Variants in OCLN observed in about 807,000 individuals in gnomAD.
OCLN encodes phosphatase 1, regulatory subunit 115.
A neutral mutation model predicts 47.9 loss-of-function variants in OCLN; 21 were observed. The ratio of observed to expected loss-of-function variants is 0.44; its 90% CI spans 0.31 to 0.63. OCLN has a LOEUF of 0.63. OCLN is among the 30% of genes least tolerant of loss of function. OCLN has a pLI of 0.08. For missense variants in OCLN, 360 were observed against 571.0 expected (o/e 0.63, Z 3.77); for synonymous variants, 117 against 198.4 (o/e 0.59, Z 3.45).
chr5:69,504,356 A>G, intron 2 of OCLN, 62 bp downstream of exon 2: 1 of 995,308 alleles, frequency 1.0e-6, no homozygotes. Flanking sequence ...AACAATAAGT[A>G]TGGTTGAAAC....
intron 1 of OCLN, among the ~76,000 whole-genome samples, chr5:69,497,108 T>C (rs1457536641): frequency 6.6e-6 from 1 of 152,226 alleles, no homozygotes; most frequent in African/African-American, 2.4e-5. Flanking sequence ...CAAAAAAATA[T>C]CAAATAACTT....
chr5:69,496,841 G>A (rs1768306694), intron 1 of OCLN, among the ~76,000 whole-genome samples: 1 of 152,052 alleles, frequency 6.6e-6, no homozygotes, highest in South Asian at 2.1e-4. Flanking sequence ...ATTTGACAAG[G>A]ATCTATCTGC....
intron 4 of OCLN, among the ~76,000 whole-genome samples, chr5:69,526,817 G>C (rs1185046818): frequency 6.6e-6 from 1 of 152,190 alleles, no homozygotes; most frequent in Admixed American, 6.5e-5. Context: ...TGAACAGGTT[G>C]GCCATACATT....
At chr5:69,519,965 T>C (rs1769087789) in intron 4 of OCLN, among the ~76,000 whole-genome samples, 1 of 152,224 alleles carries the variant, frequency 6.6e-6, no homozygotes, top group Admixed American at 6.5e-5. Flanking sequence ...AATTTTTGTT[T>C]GTTTGTTTGT....
rs60505522 is a variant in OCLN at position 69,522,894 on chromosome 5, C to CTT, written c.891+8796_891+8797dup. ...GACATGTGCCGCTATGCCTGGCTGA[C>CTT]TTTTTTTTTTTTAAAGTAGAGACAG... On this transcript the variant is annotated intron_variant, in intron 4 of 8. Transcript: ENST00000396442. 5.7e-4 allele frequency among the ~76,000 whole-genome samples: 67 copies of CTT among 116,874 alleles called. 2 individuals carry two copies. The highest frequency in any genetic ancestry group is 2.4e-3 in the East Asian group (10 of 4,158). The allele number at this position is 116,874 out of a possible 152,430, so 76.7% of individuals were successfully genotyped here. A position where few individuals can be genotyped will look rare whatever the true frequency, so the allele number is the denominator to read the frequency against.
Position 69,509,615 on chromosome 5 carries a change from G to A in OCLN, c.525G>A (p.Val175=). The A allele has an allele frequency of 6.2e-7, 1 of 1,614,198 alleles. No individual in the cohort carries two copies. Among genetic ancestry groups the A allele is most frequent in the African/African-American group, 1.3e-5 (1 of 75,056 alleles). ...GAACAAGAAGATACTACTTAAGTGT[G>A]ATAATAGTGAGTGCTATCCTGGGCA... ...MSRTRRYYLS[V]IIVSAILGIM... Residue 175 remains valine, a synonymous_variant, in exon 3 of 9, where the codon GTG becomes GTA. Transcript: ENST00000396442.
At chr5:69,499,317 T>A (rs536375532) in intron 1 of OCLN, among the ~76,000 whole-genome samples, 63 of 152,098 alleles carry the variant, frequency 4.1e-4, no homozygotes, top group African/African-American at 1.5e-3. Context: ...TCAAGTGATC[T>A]TCCTGCTTCA....
At chr5:69,497,385 ATTTTTTTTTTT>A (rs373562576) in intron 1 of OCLN, among the ~76,000 whole-genome samples, 1 of 116,322 alleles carries the variant, frequency 8.6e-6, no homozygotes, top group African/African-American at 3.3e-5. Context: ...GTTTTTCTAG[ATTTTTTTTTTT>A]TTTTTTTTTT....
At chr5:69,517,320 T>A (rs748734528) in intron 4 of OCLN, among the ~76,000 whole-genome samples, 15,236 of 148,978 alleles carry the variant, frequency 0.1, 866 homozygotes, top group Middle Eastern at 0.14. Context: ...ATATATTTTT[T>A]TTTTTTTTGA....
chr5:69,528,899 A>G (rs951275695), intron 4 of OCLN, among the ~76,000 whole-genome samples: 1 of 152,162 alleles, frequency 6.6e-6, no homozygotes, highest in African/African-American at 2.4e-5. Context: ...ACTCTCTCCC[A>G]TGTGTGAACT....
At chr5:69,515,164 C>T (rs1358786373) in intron 4 of OCLN, among the ~76,000 whole-genome samples, 32 of 134,204 alleles carry the variant, frequency 2.4e-4, no homozygotes, top group African/African-American at 3.7e-4. Context: ...CTGACCCCCC[C>T]ACCTCCCTCC....
intron 1 of OCLN, among the ~76,000 whole-genome samples, chr5:69,498,355 C>G (rs933691112): frequency 2.0e-5 from 3 of 151,834 alleles, no homozygotes; most frequent in African/African-American, 7.3e-5. Flanking sequence ...TTAGCCTGGC[C>G]TGGTGGCATG....
chr5:69,529,157 A>G (rs1769362453), intron 4 of OCLN, among the ~76,000 whole-genome samples: 1 of 152,112 alleles, frequency 6.6e-6, no homozygotes, highest in Admixed American at 6.5e-5. Flanking sequence ...GACCAACATG[A>G]TGGTGTAGAC....
Position 69,558,033 on chromosome 5 carries a change from A to AAGAT in OCLN, c.*4362_*4363insAGAT, listed in dbSNP as rs1769987747. Reference sequence around the variant, plus strand: ...TATGCATATTTTGTTTTGCTGTAGTACCATTCCTAGTTGAATCTTAACATC... The same window carrying AAGAT: ...TATGCATATTTTGTTTTGCTGTAGTAAGATCCATTCCTAGTTGAATCTTAACATC... On this transcript the variant is annotated 3_prime_UTR_variant, in exon 9 of 9. Coordinates refer to ENST00000396442, the MANE Select transcript of OCLN (RefSeq NM_001205254.2). The AAGAT allele has an allele frequency of 6.6e-6, 1 of 151,852 alleles. No homozygotes were observed. Among genetic ancestry groups the AAGAT allele is most frequent in the Non-Finnish European group, 1.5e-5 (1 of 67,914 alleles). 9.4% of individuals were successfully genotyped at this position (151,852 alleles called of 1,614,324 possible).
intron 4 of OCLN, among the ~76,000 whole-genome samples, chr5:69,523,139 T>C (rs1769188280): frequency 6.6e-6 from 1 of 152,142 alleles, no homozygotes; most frequent in Non-Finnish European, 1.5e-5. Flanking sequence ...TTATTCATAT[T>C]GAGATGCTTG....
intron 4 of OCLN, among the ~76,000 whole-genome samples, chr5:69,521,468 A>C (rs1394806632): frequency 1.3e-5 from 2 of 152,152 alleles, no homozygotes; most frequent in Non-Finnish European, 2.9e-5. Context: ...TTGAGTGTGC[A>C]CACTTAAAAT....
rs563906335 is a variant in OCLN at position 69,550,575 on chromosome 5, C to T, written c.1426-969C>T. 1.4e-3 allele frequency among the ~76,000 whole-genome samples: 192 copies of T among 136,342 alleles called. 5 individuals carry two copies. Among genetic ancestry groups the T allele is most frequent in the Admixed American group, 0.014 (177 of 12,926 alleles). 89.4% of individuals were successfully genotyped at this position (136,342 alleles called of 152,430 possible). A position where few individuals can be genotyped will look rare whatever the true frequency, so the allele number is the denominator to read the frequency against. ...TACCTTTGCAAAGTTGCAAAATTGCCCTCCAGAGAGACTGCACCAACTGTG... is the reference window on the plus strand; with the variant it reads ...TACCTTTGCAAAGTTGCAAAATTGCTCTCCAGAGAGACTGCACCAACTGTG... On this transcript the variant is annotated intron_variant, in intron 7 of 8. Coordinates refer to ENST00000396442, the MANE Select transcript of OCLN (RefSeq NM_001205254.2).
In OCLN at chr5:69,493,558, G is replaced by A. The variant is rs1187872923; in HGVS notation, c.-69+658G>A. 6.6e-6 allele frequency among the ~76,000 whole-genome samples: 1 copy of A among 152,132 alleles called. No individual in the cohort carries two copies. The highest frequency in any genetic ancestry group is 1.5e-5 in the Non-Finnish European group (1 of 68,024). On this transcript the variant is annotated intron_variant, in intron 1 of 8. Transcript: ENST00000396442. This position sits in a 1 kb window ranked among gnomAD's most constrained non-coding sequence, Gnocchi z 5.3. Reference sequence around the variant, plus strand: ...AGCTGGGGGGCGGGGAGTTAATTTCGAGTGAGGCTGGACTTCGAGGGAAGC... The same window carrying A: ...AGCTGGGGGGCGGGGAGTTAATTTCAAGTGAGGCTGGACTTCGAGGGAAGC...
intron 1 of OCLN, among the ~76,000 whole-genome samples, chr5:69,496,045 C>T (rs1768278467): frequency 6.6e-6 from 1 of 151,682 alleles, no homozygotes; most frequent in African/African-American, 2.4e-5. Context: ...AATTTTTAGA[C>T]AATTTACTAA....
Sources: gnomAD v4.1 joint callset for allele counts (sites outside exome capture counted in the v4.1 genomes callset) on GRCh38, gnomAD v4.1.1 for gene constraint, Gnocchi (gnomAD v3.1) non-coding constraint, MANE v1.5 for transcripts, NCBI Gene and HGNC (gene_info 2026-07-23, HGNC 2026-07-21) for gene names.